The following NALF1 variants were observed in gnomAD, a reference collection of about 807,000 sequenced individuals.
NALF1 encodes family with sequence similarity 155 member A.
A neutral mutation model predicts 48.4 loss-of-function variants in NALF1; 3 were observed. The observed-to-expected ratio is 0.06, with a 90% confidence interval of 0.03 to 0.16. The LOEUF is 0.16. Ranked by LOEUF, NALF1 falls within the 10% of genes least tolerant of loss-of-function variation. The pLI is 1.00. For missense variants in NALF1, 526 were observed against 571.5 expected (o/e 0.92, Z 0.81); for synonymous variants, 262 against 245.7 (o/e 1.07, Z -0.62).
At chr13:107,549,447 G>A (rs1455330381) in intron 1 of NALF1, among the ~76,000 whole-genome samples, 1 of 152,074 alleles carries the variant, frequency 6.6e-6, no homozygotes, top group Non-Finnish European at 1.5e-5. Flanking sequence ...CAATACAAAG[G>A]TATCAAATTC....
intron 1 of NALF1, among the ~76,000 whole-genome samples, chr13:107,767,539 T>C (rs918620668): frequency 1.3e-5 from 2 of 152,212 alleles, no homozygotes; most frequent in Admixed American, 6.5e-5. Context: ...AGAAGACGAC[T>C]GTATACCTTA....
intron 1 of NALF1, among the ~76,000 whole-genome samples, chr13:107,676,106 C>T (rs1881113961): frequency 6.6e-6 from 1 of 152,196 alleles, no homozygotes; most frequent in Non-Finnish European, 1.5e-5. Flanking sequence ...TAGAAAAACA[C>T]TCAAGCCTGC....
At chr13:107,601,438 C>A (rs779729935) in intron 1 of NALF1, among the ~76,000 whole-genome samples, 5 of 152,200 alleles carry the variant, frequency 3.3e-5, no homozygotes, top group African/African-American at 4.8e-5. Flanking sequence ...CCTATCAACA[C>A]TACTTTCCTG....
At chr13:107,642,772 T>C (rs1390646142) in intron 1 of NALF1, among the ~76,000 whole-genome samples, 1 of 152,196 alleles carries the variant, frequency 6.6e-6, no homozygotes, top group Non-Finnish European at 1.5e-5. Context: ...TTAACATAGC[T>C]ATAGCACATT....
At chr13:107,349,807 C>A (rs753736926) in intron 1 of NALF1, among the ~76,000 whole-genome samples, 4 of 151,232 alleles carry the variant, frequency 2.6e-5, no homozygotes, top group South Asian at 2.1e-4. Flanking sequence ...CATAAGTAGA[C>A]CCTCTGACCT....
rs549182788 is a variant in NALF1, at chr13:107,519,582, T to TA, written c.916-308828dup. Among the ~76,000 whole-genome samples, 769 of 152,282 alleles carry TA rather than the reference T, an allele frequency of 5.0e-3. 4 individuals carry two copies. Among genetic ancestry groups the TA allele is most frequent in the African/African-American group, 0.015 (639 of 41,550 alleles). On this transcript the variant is annotated intron_variant, in intron 1 of 2. Transcript: ENST00000375915. ...TTATTATGAAGGCAATGGAAGCTGT[T>TA]AAACAATAGCTGCTTTGGGTTGGGA...
At chr13:107,713,179 T>A (rs1875654926) in intron 1 of NALF1, among the ~76,000 whole-genome samples, 1 of 152,218 alleles carries the variant, frequency 6.6e-6, no homozygotes, top group South Asian at 2.1e-4. Context: ...TCTTTTAGTT[T>A]AATTATGTTC....
At chr13:107,733,973 G>A (rs1876388681) in intron 1 of NALF1, among the ~76,000 whole-genome samples, 1 of 152,120 alleles carries the variant, frequency 6.6e-6, no homozygotes, top group African/African-American at 2.4e-5. Context: ...AGGCGGTGTG[G>A]TATAGCCTGT....
intron 1 of NALF1, among the ~76,000 whole-genome samples, chr13:107,548,983 C>T (rs967426856): frequency 6.6e-6 from 1 of 151,968 alleles, no homozygotes; most frequent in Non-Finnish European, 1.5e-5. Flanking sequence ...AATTGCACAT[C>T]GGCCAAGTAA....
intron 1 of NALF1, among the ~76,000 whole-genome samples, chr13:107,785,091 C>T (rs926121691): frequency 6.6e-5 from 10 of 151,572 alleles, no homozygotes; most frequent in African/African-American, 2.4e-4. Context: ...TATATATACA[C>T]ACACATATAT....
At chr13:107,366,541 C>T (rs962605451) in intron 1 of NALF1, among the ~76,000 whole-genome samples, 1 of 152,184 alleles carries the variant, frequency 6.6e-6, no homozygotes, top group Non-Finnish European at 1.5e-5. Flanking sequence ...TGATAGCCAT[C>T]ATTTTCCATT....
At chr13:107,695,710 T>A (rs1200054907) in intron 1 of NALF1, among the ~76,000 whole-genome samples, 1 of 152,178 alleles carries the variant, frequency 6.6e-6, no homozygotes, top group Non-Finnish European at 1.5e-5. Context: ...ATAGCACGTA[T>A]CCTTGCTTAT....
intron 1 of NALF1, among the ~76,000 whole-genome samples, chr13:107,224,734 T>C (rs1880066827): frequency 6.6e-6 from 1 of 152,108 alleles, no homozygotes; most frequent in Non-Finnish European, 1.5e-5. Context: ...TAAAGATTTA[T>C]GGCTTAGTAC....
At chr13:107,431,250 A>G (rs916457870) in intron 1 of NALF1, among the ~76,000 whole-genome samples, 9 of 152,068 alleles carry the variant, frequency 5.9e-5, no homozygotes, top group South Asian at 2.1e-4. Flanking sequence ...TCATTATCTT[A>G]TTAAAAAACA....
chr13:107,446,604 T>C (rs1279744849), intron 1 of NALF1, among the ~76,000 whole-genome samples: 6 of 152,220 alleles, frequency 3.9e-5, no homozygotes, highest in African/African-American at 7.2e-5. Context: ...ATTTTTAAGG[T>C]TAATTTTCTG....
At chr13:107,729,197 A>G (rs1028293534) in intron 1 of NALF1, among the ~76,000 whole-genome samples, 8 of 152,312 alleles carry the variant, frequency 5.3e-5, no homozygotes, top group Middle Eastern at 3.4e-3. Context: ...AATGTATAAA[A>G]ATATACTTAT....
chr13:107,342,003 G>C (rs902499436), intron 1 of NALF1, among the ~76,000 whole-genome samples: 3 of 151,950 alleles, frequency 2.0e-5, no homozygotes, highest in Non-Finnish European at 4.4e-5. Context: ...TCAATATGTA[G>C]CTAAGGATAT....
rs370360141 is a variant in NALF1 at position 107,407,528 on chromosome 13, C to A, written c.916-196773G>T. 1.4e-4 allele frequency among the ~76,000 whole-genome samples: 22 copies of A among 152,174 alleles called. No individual in the cohort carries two copies. The East Asian group carries it at 3.5e-3, about 24-fold the overall frequency. On this transcript the variant is annotated intron_variant, in intron 1 of 2. Transcript: ENST00000375915. ...AAAGGTGCTCAACATCAATGATCATCAGAGAAATGCCAATCAAAACTACTG... is the reference window on the plus strand; with the variant it reads ...AAAGGTGCTCAACATCAATGATCATAAGAGAAATGCCAATCAAAACTACTG...
At chr13:107,210,807 G>T (rs745577753) in intron 1 of NALF1, 52 bp from the exon 2 acceptor site, 2 of 1,311,066 alleles carry the variant, frequency 1.5e-6, no homozygotes, top group Admixed American at 1.7e-5. Flanking sequence ...CAGTTACAGT[G>T]ATAGAGGCAC....
Sources: allele counts gnomAD v4.1 joint callset (sites outside exome capture counted in the v4.1 genomes callset), GRCh38; gene constraint gnomAD v4.1.1; transcripts MANE v1.5; gene names NCBI Gene and HGNC (gene_info 2026-07-23, HGNC 2026-07-21).